Variants in NKAIN2 observed in about 807,000 individuals in gnomAD.
NKAIN2 encodes sodium/potassium transporting ATPase interacting 2.
In NKAIN2, 14 loss-of-function variants were observed where a neutral mutation model predicts 32.6. The ratio of observed to expected loss-of-function variants is 0.43; its 90% CI spans 0.28 to 0.67. The LOEUF is 0.67. Among genes scored for constraint, NKAIN2 ranks in the 30% least tolerant of loss-of-function variants. The pLI, the probability that NKAIN2 is intolerant of heterozygous loss-of-function variation, is 0.17. For missense variants in NKAIN2, 198 were observed against 258.3 expected (o/e 0.77, Z 1.60); for synonymous variants, 80 against 87.2 (o/e 0.92, Z 0.46).
intron 4 of NKAIN2, among the ~76,000 whole-genome samples, chr6:124,703,273 GA>G (rs144679503): frequency 2.7e-5 from 4 of 148,250 alleles, no homozygotes; most frequent in East Asian, 4.0e-4. Context: ...AAGACTAAAG[GA>G]AAAAAAAACA....
In NKAIN2 at chr6:124,156,447, G is replaced by A. The variant is rs552117902; in HGVS notation, c.55-126558G>A. On this transcript the variant is annotated intron_variant, in intron 1 of 6. Transcript: ENST00000368417. Reference sequence around the variant, plus strand: ...GGTGCTCAAGGGAGTCACATCTGAAGCAGGAGGAGTCAGTCATATAGCCAT... The same window carrying A: ...GGTGCTCAAGGGAGTCACATCTGAAACAGGAGGAGTCAGTCATATAGCCAT... Among the ~76,000 whole-genome samples, 10 of 152,268 alleles carry A rather than the reference G, an allele frequency of 6.6e-5. No individual in the cohort carries two copies. In the South Asian group the frequency reaches 1.9e-3, roughly 28 times the overall value.
intron 1 of NKAIN2, among the ~76,000 whole-genome samples, chr6:124,275,047 T>A (rs2114892564): frequency 6.6e-6 from 1 of 152,270 alleles, no homozygotes; most frequent in South Asian, 2.1e-4. Flanking sequence ...AAGAATTTTC[T>A]GTTTTTTAAA....
At position 124,071,111 on chromosome 6, in the gene NKAIN2, GAAGAAA is replaced by G. The variant is rs1395805763; in HGVS notation, c.55-211893_55-211888del. ...ACAAAAGCTCACAACTGGCCTAGCG[GAAGAAA>G]GGCAACAATGGAACAAAAGAGAGAA... On this transcript the variant is annotated intron_variant, in intron 1 of 6. Transcript: ENST00000368417. 7.2e-5 allele frequency among the ~76,000 whole-genome samples: 11 copies of G among 152,236 alleles called. No individual in the cohort carries two copies. The South Asian group carries it at 1.4e-3, about 20-fold the overall frequency.
intron 5 of NKAIN2, among the ~76,000 whole-genome samples, chr6:124,796,530 TG>T (rs1465615600): frequency 6.6e-6 from 1 of 152,096 alleles, no homozygotes; most frequent in Non-Finnish European, 1.5e-5. Context: ...TGCAGCTCAC[TG>T]GCCCATCAGA....
At chr6:123,813,573 A>C (rs1036943500) in intron 1 of NKAIN2, among the ~76,000 whole-genome samples, 2 of 152,092 alleles carry the variant, frequency 1.3e-5, no homozygotes, top group Non-Finnish European at 2.9e-5. Flanking sequence ...GCACTTTGGG[A>C]GGCCGAGGCC....
At position 124,212,518 on chromosome 6, in the gene NKAIN2, A is replaced by T. The variant is rs571984827; in HGVS notation, c.55-70487A>T. 7.2e-5 allele frequency among the ~76,000 whole-genome samples: 11 copies of T among 152,214 alleles called. No homozygotes were observed. The South Asian group carries it at 1.9e-3, about 26-fold the overall frequency. On this transcript the variant is annotated intron_variant, in intron 1 of 6. Transcript: ENST00000368417. Reference sequence around the variant, plus strand: ...GCAGCTACTAGGAGGACAGCAGCCCAGTGAGGCCCTGTATGGACCTGTTCA... The same window carrying T: ...GCAGCTACTAGGAGGACAGCAGCCCTGTGAGGCCCTGTATGGACCTGTTCA...
At chr6:124,415,410 A>G (rs1048076178) in intron 3 of NKAIN2, among the ~76,000 whole-genome samples, 11 of 152,360 alleles carry the variant, frequency 7.2e-5, no homozygotes, top group African/African-American at 2.4e-4. Context: ...AAGGCGAGGC[A>G]TGGGGGATGG....
chr6:124,163,532 CA>C (rs5879716), intron 1 of NKAIN2, among the ~76,000 whole-genome samples: 113,607 of 151,806 alleles, frequency 0.75, 45,302 homozygotes, highest in Non-Finnish European at 0.88. Context: ...CAAAGTATCC[CA>C]TCATTAGAAT....
At chr6:123,933,000 A>G (rs1562264493) in intron 1 of NKAIN2, among the ~76,000 whole-genome samples, 2 of 151,894 alleles carry the variant, frequency 1.3e-5, no homozygotes, top group African/African-American at 4.8e-5. Flanking sequence ...CCCACGACAT[A>G]CCTATCTCCT....
intron 2 of NKAIN2, among the ~76,000 whole-genome samples, chr6:124,300,915 G>A (rs911887237): frequency 2.0e-5 from 3 of 152,132 alleles, no homozygotes; most frequent in Non-Finnish European, 4.4e-5. Flanking sequence ...TATTGCAGTG[G>A]GAAAGAAAAA....
intron 1 of NKAIN2, among the ~76,000 whole-genome samples, chr6:124,252,213 T>A (rs1413895835): frequency 6.6e-6 from 1 of 151,966 alleles, no homozygotes. Flanking sequence ...GATAAATAAA[T>A]GCCATATGCA....
chr6:124,077,504 G>A (rs768324945), intron 1 of NKAIN2, among the ~76,000 whole-genome samples: 5 of 152,028 alleles, frequency 3.3e-5, no homozygotes, highest in Admixed American at 1.3e-4. Flanking sequence ...TTCTCCCTGT[G>A]GCCTTTTAAA....
intron 3 of NKAIN2, among the ~76,000 whole-genome samples, chr6:124,358,604 C>T (rs976361930): frequency 6.6e-6 from 1 of 152,136 alleles, no homozygotes; most frequent in Non-Finnish European, 1.5e-5. Context: ...ATATCCTTCA[C>T]CCACTTTTTG....
Position 124,558,655 on chromosome 6 carries a change from T to C in NKAIN2, c.274-99531T>C, listed in dbSNP as rs17051992. Among the ~76,000 whole-genome samples the C allele has an allele frequency of 2.1e-3, 313 of 152,284 alleles. 1 individual carries two copies. Among genetic ancestry groups the C allele is most frequent in the Middle Eastern group, 6.8e-3 (2 of 294 alleles). ...AAACTTTTCTTTGCCTCAATAATTATGCCAGACCTCAGCTGGATGTGGTGG... is the reference window on the plus strand; with the variant it reads ...AAACTTTTCTTTGCCTCAATAATTACGCCAGACCTCAGCTGGATGTGGTGG... On this transcript the variant is annotated intron_variant, in intron 3 of 6. Coordinates refer to ENST00000368417, the MANE Select transcript of NKAIN2 (RefSeq NM_001040214.3).
intron 1 of NKAIN2, among the ~76,000 whole-genome samples, chr6:124,164,786 T>A (rs1296131275): frequency 2.0e-5 from 3 of 152,036 alleles, no homozygotes; most frequent in Non-Finnish European, 4.4e-5. Context: ...GGCAAGTGGA[T>A]CGCCACAAAA....
intron 3 of NKAIN2, among the ~76,000 whole-genome samples, chr6:124,468,354 AC>A (rs1160406460): frequency 6.6e-6 from 1 of 152,142 alleles, no homozygotes; most frequent in Non-Finnish European, 1.5e-5. Context: ...TTGATTATAT[AC>A]CCCATCCTTT....
At chr6:124,280,413 A>AATAGAAAAGGTAAGGGC (rs1174004116) in intron 1 of NKAIN2, among the ~76,000 whole-genome samples, 1 of 152,172 alleles carries the variant, frequency 6.6e-6, no homozygotes, top group Non-Finnish European at 1.5e-5. Flanking sequence ...GTGTGGAGTA[A>AATAGAAAAGGTAAGGGC]ATAGAAAAGG....
rs1780258757 is a variant in NKAIN2, at chr6:124,010,131, GAGAC to G, written c.54+205883_54+205886del. Among the ~76,000 whole-genome samples, 6 of 152,224 alleles carry G rather than the reference GAGAC, an allele frequency of 3.9e-5. No individual in the cohort carries two copies. The South Asian group carries it at 1.2e-3, about 32-fold the overall frequency. Reference sequence around the variant, plus strand: ...TAAGGAAGAGCAATGTCTTTGGTGAGAGACAGACATTTTCCTCTGATCCAGGGTG... The same window carrying G: ...TAAGGAAGAGCAATGTCTTTGGTGAGAGACATTTTCCTCTGATCCAGGGTG... On this transcript the variant is annotated intron_variant, in intron 1 of 6. Coordinates refer to ENST00000368417, the MANE Select transcript of NKAIN2 (RefSeq NM_001040214.3).
chr6:124,611,003 A>G (rs1782668472), intron 3 of NKAIN2, among the ~76,000 whole-genome samples: 3 of 152,056 alleles, frequency 2.0e-5, no homozygotes, highest in Admixed American at 2.0e-4. Context: ...AATCTAAAAC[A>G]CTCTTAATTT....
Sources: allele counts gnomAD v4.1 joint callset (sites outside exome capture counted in the v4.1 genomes callset), GRCh38; gene constraint gnomAD v4.1.1; transcripts MANE v1.5; gene names NCBI Gene and HGNC (gene_info 2026-07-23, HGNC 2026-07-21).